ANKS1B: variants seen among roughly 807,000 people sequenced by gnomAD.
The protein encoded by ANKS1B is ankyrin repeat and sterile alpha motif domain containing 1B, also known as ankyrin repeat and sterile alpha motif domain-containing protein 1B.
A neutral mutation model predicts 148.3 loss-of-function variants in ANKS1B; 36 were observed. The ratio of observed to expected loss-of-function variants is 0.24; its 90% CI spans 0.19 to 0.32. The LOEUF (loss-of-function observed/expected upper bound fraction) is 0.32, where lower values mean the gene tolerates loss of function less well. ANKS1B is among the 10% of genes least tolerant of loss of function. ANKS1B has a pLI of 1.00. For missense variants in ANKS1B, 1,157 were observed against 1,542.6 expected (o/e 0.75, Z 4.19); for synonymous variants, 542 against 560.8 (o/e 0.97, Z 0.47).
chr12:99,281,255 G>C (rs138605383), intron 12 of ANKS1B, among the ~76,000 whole-genome samples: 1,527 of 152,174 alleles, frequency 0.01, 33 homozygotes, highest in African/African-American at 0.035. Flanking sequence ...GGCAGCTAGT[G>C]GTATTTACTG....
chr12:99,044,788 T>C (rs2099961253), intron 17 of ANKS1B, among the ~76,000 whole-genome samples: 1 of 152,148 alleles, frequency 6.6e-6, no homozygotes, highest in South Asian at 2.1e-4. Flanking sequence ...AGAAAGCTCT[T>C]ATTTGATTTT....
chr12:99,942,041 T>A (rs919721716), intron 1 of ANKS1B, among the ~76,000 whole-genome samples: 1 of 152,172 alleles, frequency 6.6e-6, no homozygotes, highest in African/African-American at 2.4e-5. Context: ...TTGAAAGGCA[T>A]CTAGCATAAA....
At chr12:99,457,118 TA>T (rs1340118689) in intron 10 of ANKS1B, among the ~76,000 whole-genome samples, 1 of 151,990 alleles carries the variant, frequency 6.6e-6, no homozygotes, top group Non-Finnish European at 1.5e-5. Flanking sequence ...CCTCCTTAAA[TA>T]AAACAATTAT....
chr12:99,870,724 G>C (rs914210309), intron 1 of ANKS1B, among the ~76,000 whole-genome samples: 2 of 152,138 alleles, frequency 1.3e-5, no homozygotes, highest in Non-Finnish European at 2.9e-5. Flanking sequence ...GTCTTCTTTT[G>C]AGAATTGTCT....
chr12:99,183,251 A>G (rs879744141), intron 14 of ANKS1B, among the ~76,000 whole-genome samples: 3 of 152,222 alleles, frequency 2.0e-5, no homozygotes, highest in Admixed American at 2.0e-4. Flanking sequence ...CATTAAAGAA[A>G]CTACACTGTA....
intron 1 of ANKS1B, among the ~76,000 whole-genome samples, chr12:99,864,860 G>A (rs1339291245): frequency 6.6e-6 from 1 of 152,200 alleles, no homozygotes; most frequent in Non-Finnish European, 1.5e-5. Context: ...TGACAATAAT[G>A]AGTTAGCTGT....
chr12:99,267,220 C>T (rs1212170738), intron 12 of ANKS1B, among the ~76,000 whole-genome samples: 3 of 152,164 alleles, frequency 2.0e-5, no homozygotes, highest in Non-Finnish European at 2.9e-5. Context: ...GAAAGAGCTG[C>T]TTTCAATTGC....
At chr12:99,520,936 C>G (rs2153058402) in intron 9 of ANKS1B, among the ~76,000 whole-genome samples, 1 of 152,222 alleles carries the variant, frequency 6.6e-6, no homozygotes, top group Non-Finnish European at 1.5e-5. Flanking sequence ...GCTGGGATTA[C>G]AGGTGCCCAC....
chr12:99,506,506 A>G lies in ANKS1B; in HGVS notation c.1273-1865T>C, dbSNP rs149058556. ...TCCAGAGGAAAGTAATCAGGATGGC[A>G]TATAATTCTGAAACCATGTCAGAGA... On this transcript the variant is annotated intron_variant, in intron 9 of 26. Transcript: ENST00000683438. 2.0e-5 allele frequency among the ~76,000 whole-genome samples: 3 copies of G among 152,138 alleles called. No homozygotes were observed. In the East Asian group the frequency reaches 5.8e-4, roughly 29 times the overall value.
chr12:99,980,420 C>T (rs1446309993), intron 1 of ANKS1B, among the ~76,000 whole-genome samples: 2 of 152,006 alleles, frequency 1.3e-5, no homozygotes, highest in African/African-American at 4.8e-5. Flanking sequence ...CTTATCATTC[C>T]AGACTTCTTA....
At chr12:99,741,147 G>T (rs1455967812) in intron 8 of ANKS1B, among the ~76,000 whole-genome samples, 5 of 151,138 alleles carry the variant, frequency 3.3e-5, no homozygotes, top group African/African-American at 1.2e-4. Context: ...GTCTGAGGTT[G>T]CAGTGAGCCA....
At chr12:99,460,908 G>A (rs998177744) in intron 10 of ANKS1B, among the ~76,000 whole-genome samples, 5 of 152,030 alleles carry the variant, frequency 3.3e-5, no homozygotes, top group African/African-American at 1.2e-4. Flanking sequence ...CTACCCAGAG[G>A]AAAATAAGTC....
intron 14 of ANKS1B, among the ~76,000 whole-genome samples, chr12:99,178,083 G>A (rs751447654): frequency 1.3e-5 from 2 of 152,058 alleles, no homozygotes; most frequent in Admixed American, 1.3e-4. Context: ...ATCACTTTCA[G>A]TATAGAACTT....
chr12:99,230,208 T>C (rs963309622), intron 14 of ANKS1B, among the ~76,000 whole-genome samples: 2 of 152,068 alleles, frequency 1.3e-5, no homozygotes, highest in South Asian at 2.1e-4. Context: ...CAATAATTGA[T>C]ATAGTGAGAT....
At chr12:99,955,614 C>T (rs2095310834) in intron 1 of ANKS1B, among the ~76,000 whole-genome samples, 1 of 142,234 alleles carries the variant, frequency 7.0e-6, no homozygotes, top group Non-Finnish European at 1.5e-5. Flanking sequence ...ATCTCCAGAA[C>T]AACAGTTTAC....
At chr12:99,644,082 G>T (rs1487704687) in intron 9 of ANKS1B, among the ~76,000 whole-genome samples, 1 of 152,028 alleles carries the variant, frequency 6.6e-6, no homozygotes, top group African/African-American at 2.4e-5. Flanking sequence ...TAGGCAACAA[G>T]AGGAAACCAG....
chr12:98,894,910 C>A, intron 17 of ANKS1B: 1 of 951,162 alleles, frequency 1.1e-6, no homozygotes, highest in Non-Finnish European at 1.2e-6. Flanking sequence ...CCCCGCCCCC[C>A]GCGCGGCGCG....
intron 9 of ANKS1B, among the ~76,000 whole-genome samples, chr12:99,507,472 A>T (rs1370593307): frequency 6.6e-6 from 1 of 151,932 alleles, no homozygotes; most frequent in Admixed American, 6.6e-5. Context: ...AAAATCAAGC[A>T]TGCTGAGATA....
chr12:99,227,963 T>C (rs975163002), intron 14 of ANKS1B, among the ~76,000 whole-genome samples: 2 of 152,062 alleles, frequency 1.3e-5, no homozygotes, highest in Non-Finnish European at 2.9e-5. Context: ...TCTGGCAATA[T>C]CCCTAGAAGA....
Sources: allele counts gnomAD v4.1 joint callset (sites outside exome capture counted in the v4.1 genomes callset), GRCh38; gene constraint gnomAD v4.1.1; transcripts MANE v1.5; gene names NCBI Gene and HGNC (gene_info 2026-07-23, HGNC 2026-07-21).